Variants in CWC27 observed in about 807,000 individuals in gnomAD.
CWC27 encodes the protein spliceosome-associated protein CWC27 homolog.
In CWC27, 47 loss-of-function variants were observed where a neutral mutation model predicts 63.6. The observed-to-expected ratio is 0.74, with a 90% CI of 0.58 to 0.94. The LOEUF is 0.94. Among genes scored for constraint, CWC27 ranks in the 40% least tolerant of loss-of-function variants. The pLI, the probability that CWC27 is intolerant of heterozygous loss-of-function variation, is 0.00. For missense variants in CWC27, 495 were observed against 554.3 expected, an observed-to-expected ratio of 0.89 and a Z score of 1.07; for synonymous variants, 175 against 179.8, an observed-to-expected ratio of 0.97 and a Z score of 0.22.
At chr5:64,838,676 A>C (rs1745724296) in intron 10 of CWC27, among the ~76,000 whole-genome samples, 2 of 152,194 alleles carry the variant, frequency 1.3e-5, no homozygotes, top group South Asian at 4.1e-4. Flanking sequence ...TCTCTGCCAC[A>C]AACTTACAAG....
chr5:64,948,321 A>AT (rs1468122120), intron 11 of CWC27, among the ~76,000 whole-genome samples: 4 of 151,998 alleles, frequency 2.6e-5, no homozygotes, highest in African/African-American at 7.2e-5. Context: ...GATATTTCAA[A>AT]TTTTTTTGTA....
intron 11 of CWC27, among the ~76,000 whole-genome samples, chr5:64,896,397 T>C (rs963566070): frequency 2.0e-5 from 3 of 152,050 alleles, no homozygotes; most frequent in Non-Finnish European, 4.4e-5. Context: ...TAAATCTAAA[T>C]AAATATTGAA....
intron 10 of CWC27, chr5:64,808,005 A>AT (rs1409225676): frequency 1.1e-3 from 1,429 of 1,340,906 alleles, no homozygotes; most frequent in Middle Eastern, 3.9e-3. Flanking sequence ...GCTACTTTCC[A>AT]TTTTTTTTTC....
chr5:64,975,836 G>A (rs539912897), intron 12 of CWC27, among the ~76,000 whole-genome samples: 14 of 152,260 alleles, frequency 9.2e-5, no homozygotes, highest in South Asian at 4.1e-4. Context: ...AGGCCAAGGC[G>A]TGTGGAACAC....
intron 11 of CWC27, among the ~76,000 whole-genome samples, chr5:64,900,663 T>C (rs1012904627): frequency 3.9e-5 from 6 of 152,288 alleles, no homozygotes; most frequent in Admixed American, 3.9e-4. Flanking sequence ...TGTGTTTTTT[T>C]TTTAGAAATT....
chr5:64,772,451 G>A (rs1381057752), intron 1 of CWC27, among the ~76,000 whole-genome samples: 1 of 150,890 alleles, frequency 6.6e-6, no homozygotes, highest in Non-Finnish European at 1.5e-5. Context: ...GTGAAACCCT[G>A]TCTCTACTAA....
chr5:64,873,537 GT>G (rs960636010), intron 10 of CWC27, among the ~76,000 whole-genome samples: 2 of 151,538 alleles, frequency 1.3e-5, no homozygotes, highest in Non-Finnish European at 1.5e-5. Context: ...GGATTATTGG[GT>G]TTTTTTATTG....
intron 13 of CWC27, among the ~76,000 whole-genome samples, chr5:64,996,338 C>T (rs1240579651): frequency 6.6e-6 from 1 of 152,140 alleles, no homozygotes; most frequent in Non-Finnish European, 1.5e-5. Context: ...AATATCCCTT[C>T]TACTTTCTGG....
At position 64,972,253 on chromosome 5, in the gene CWC27, G is replaced by A. The variant is rs114639790; in HGVS notation, c.1152+441G>A. Among the ~76,000 whole-genome samples the A allele has an allele frequency of 1.6e-3, 245 of 152,276 alleles. 1 individual carries two copies. Among genetic ancestry groups the A allele is most frequent in the African/African-American group, 5.8e-3 (241 of 41,558 alleles). ...AAATAAGTCATTTGGTCTGCTAGCT[G>A]ACTTCTATTCATTAGTACAAGTAAT... On this transcript the variant is annotated intron_variant, in intron 12 of 13. Transcript: ENST00000381070.
At chr5:64,820,293 C>G (rs1168451027) in intron 10 of CWC27, among the ~76,000 whole-genome samples, 1 of 152,168 alleles carries the variant, frequency 6.6e-6, no homozygotes, top group African/African-American at 2.4e-5. Flanking sequence ...TAAGGTGAAA[C>G]AACTCCCAGT....
chr5:64,976,982 G>T (rs980364514), intron 12 of CWC27, among the ~76,000 whole-genome samples, 153 bp from the exon 13 acceptor site: 2 of 152,140 alleles, frequency 1.3e-5, no homozygotes, highest in Non-Finnish European at 2.9e-5. Context: ...TGTCATTATT[G>T]CAGCCTAAAG....
At chr5:64,933,967 T>C (rs1748292798) in intron 11 of CWC27, among the ~76,000 whole-genome samples, 1 of 152,230 alleles carries the variant, frequency 6.6e-6, no homozygotes, top group Non-Finnish European at 1.5e-5. Flanking sequence ...ATAATGTCCT[T>C]CATAGCTGTT....
intron 3 of CWC27, 32 bp downstream of exon 3, chr5:64,782,065 TTTG>T (rs999308963): frequency 2.7e-6 from 3 of 1,102,052 alleles, no homozygotes; most frequent in Non-Finnish European, 3.9e-6. Flanking sequence ...TATTATTATT[TTTG>T]TTGTTATTAT....
intron 10 of CWC27, among the ~76,000 whole-genome samples, chr5:64,855,036 A>G (rs975254911): frequency 2.0e-5 from 3 of 152,152 alleles, no homozygotes; most frequent in African/African-American, 7.2e-5. Flanking sequence ...TGCAATGCCT[A>G]CAGGCTGATA....
At chr5:65,013,089 C>T (rs1051630475) in intron 13 of CWC27, among the ~76,000 whole-genome samples, 2 of 152,162 alleles carry the variant, frequency 1.3e-5, no homozygotes, top group African/African-American at 4.8e-5. Flanking sequence ...GCCCTTCTCT[C>T]TAGTTCTACA....
At chr5:64,979,521 G>T (rs77374102) in intron 13 of CWC27, among the ~76,000 whole-genome samples, 2 of 152,318 alleles carry the variant, frequency 1.3e-5, no homozygotes, top group African/African-American at 4.8e-5. Context: ...GCTTTCTCAA[G>T]TCTCTGGTGA....
intron 10 of CWC27, among the ~76,000 whole-genome samples, chr5:64,806,712 C>T (rs1437028337): frequency 6.6e-6 from 1 of 152,082 alleles, no homozygotes; most frequent in Non-Finnish European, 1.5e-5. Flanking sequence ...CATGGTGGCT[C>T]ATGCCTGTAA....
intron 13 of CWC27, among the ~76,000 whole-genome samples, chr5:64,999,000 C>G (rs1444927809): frequency 6.6e-6 from 1 of 151,564 alleles, no homozygotes; most frequent in African/African-American, 2.4e-5. Context: ...TTGGCCTTTT[C>G]TATTACTCAA....
intron 13 of CWC27, among the ~76,000 whole-genome samples, chr5:65,005,781 G>T (rs1749831148): frequency 6.6e-6 from 1 of 152,070 alleles, no homozygotes; most frequent in South Asian, 2.1e-4. Context: ...ATAGAGAAAA[G>T]CCCTAAAATT....
Sources: gnomAD v4.1 joint callset for allele counts (sites outside exome capture counted in the v4.1 genomes callset) on GRCh38, gnomAD v4.1.1 for gene constraint, MANE v1.5 for transcripts, NCBI Gene and HGNC (gene_info 2026-07-23, HGNC 2026-07-21) for gene names.